Variants in TRERF1 observed in about 807,000 individuals in gnomAD.
The protein encoded by TRERF1 is transcriptional-regulating factor 1.
TRERF1 carries 27 observed loss-of-function variants against 122.9 expected under a neutral mutation model. The ratio of observed to expected loss-of-function variants is 0.22; its 90% confidence interval spans 0.16 to 0.30. TRERF1 has a LOEUF of 0.30. TRERF1 is among the 10% of genes least tolerant of loss of function. TRERF1 has a pLI of 1.00. For synonymous variants in TRERF1, 636 were observed against 641.7 expected (o/e 0.99, Z 0.13); for missense variants, 1,248 against 1,560.3 (o/e 0.80, Z 3.37).
In TRERF1 at chr6:42,276,348, G is replaced by A. The variant is rs145989563; in HGVS notation, c.-258-6500C>T. On this transcript the variant is annotated intron_variant, in intron 4 of 17. Coordinates refer to ENST00000372922, the Ensembl canonical transcript of TRERF1. This position sits in a 1 kb window ranked among gnomAD's most constrained non-coding sequence, Gnocchi z 4.3. ...GCCAGACCACCATTGCTTGTTTGAG[G>A]AAGAAAAACCAAAAAGATTTTCCTT... is the stretch of plus-strand genomic sequence containing the variant. 2.8e-3 allele frequency among the ~76,000 whole-genome samples: 423 copies of A among 152,326 alleles called. 2 individuals carry two copies. Among genetic ancestry groups the A allele is most frequent in the African/African-American group, 9.7e-3 (405 of 41,562 alleles).
chr6:42,442,867 C>T (rs1407636604), intron 2 of TRERF1, among the ~76,000 whole-genome samples: 1 of 152,302 alleles, frequency 6.6e-6, no homozygotes, highest in Non-Finnish European at 1.5e-5. Context: ...GGCATTAAAT[C>T]AGGGCTTTGG....
exon 18 of TRERF1, chr6:42,225,545 C>T (rs1390245649): frequency 6.6e-6 from 1 of 151,422 alleles, no homozygotes; most frequent in Non-Finnish European, 1.5e-5. Flanking sequence ...ACTTGCATTC[C>T]GGGAAAATAC....
At chr6:42,344,604 G>A (rs554673677) in intron 3 of TRERF1, among the ~76,000 whole-genome samples, 2 of 152,234 alleles carry the variant, frequency 1.3e-5, no homozygotes, top group East Asian at 3.9e-4. Flanking sequence ...CTACCACAAG[G>A]CATCTGGGCG....
At chr6:42,406,300 T>A (rs1780167976) in intron 2 of TRERF1, among the ~76,000 whole-genome samples, 1 of 152,168 alleles carries the variant, frequency 6.6e-6, no homozygotes, top group Non-Finnish European at 1.5e-5. Flanking sequence ...TCCCTCTTCA[T>A]CTCAGAATCT....
At chr6:42,303,479 G>A (rs1319872880) in intron 3 of TRERF1, among the ~76,000 whole-genome samples, 6 of 152,166 alleles carry the variant, frequency 3.9e-5, no homozygotes, top group African/African-American at 9.7e-5. Flanking sequence ...CTGGTACACC[G>A]AGTAGCCTGT....
intron 3 of TRERF1, among the ~76,000 whole-genome samples, chr6:42,305,253 C>A (rs1235797957): frequency 6.6e-6 from 1 of 152,174 alleles, no homozygotes; most frequent in Non-Finnish European, 1.5e-5. Flanking sequence ...GAAATCTTAT[C>A]TCCTTCCCAT....
At position 42,269,732 on chromosome 6, in the gene TRERF1, G is replaced by A. The variant is rs539137429; in HGVS notation, c.-142C>T. On this transcript the variant is annotated 5_prime_UTR_variant, in exon 5 of 18. Coordinates refer to ENST00000372922, the Ensembl canonical transcript of TRERF1. This position sits in a 1 kb window ranked among gnomAD's most constrained non-coding sequence, Gnocchi z 4.9. Reference sequence around the variant, plus strand: ...GGCTGACATGTCTGTGAACGTGGCTGGAGCCAGGTGTTCCTGTTGGCCTGT... The same window carrying A: ...GGCTGACATGTCTGTGAACGTGGCTAGAGCCAGGTGTTCCTGTTGGCCTGT... The A allele has an allele frequency of 9.9e-5, 143 of 1,448,988 alleles. 1 individual carries two copies. In the African/African-American group the frequency reaches 1.8e-3, roughly 18 times the overall value. 89.8% of individuals were successfully genotyped at this position (1,448,988 alleles called of 1,614,324 possible). A position where few individuals can be genotyped will look rare whatever the true frequency, so the allele number is the denominator to read the frequency against.
Position 42,259,999 on chromosome 6 carries a change from C to A in TRERF1, c.1885-276G>T, listed in dbSNP as rs371388680. On this transcript the variant is annotated intron_variant, in intron 8 of 17. Coordinates refer to ENST00000372922, the Ensembl canonical transcript of TRERF1. The surrounding 1 kb of genome is among the most constrained non-coding windows in gnomAD (Gnocchi z 4.9). Reference sequence around the variant, plus strand: ...GTGGGTGGGCAAGAAGTAATAAATTCAAATTCTTTATTGCTTATCACTACA... The same window carrying A: ...GTGGGTGGGCAAGAAGTAATAAATTAAAATTCTTTATTGCTTATCACTACA... Among the ~76,000 whole-genome samples, 18 of 152,148 alleles carry A rather than the reference C, an allele frequency of 1.2e-4. No individual in the cohort carries two copies. The highest frequency in any genetic ancestry group is 3.9e-4 in the African/African-American group (16 of 41,492).
At chr6:42,370,564 T>C (rs937921971) in intron 2 of TRERF1, among the ~76,000 whole-genome samples, 9 of 152,160 alleles carry the variant, frequency 5.9e-5, no homozygotes, top group African/African-American at 2.2e-4. Flanking sequence ...ACCAAGGCAT[T>C]ATCTGATGTC....
In TRERF1 at chr6:42,436,909, T is replaced by C. The variant is rs1399926715; in HGVS notation, c.-454+14268A>G. Among the ~76,000 whole-genome samples, 3 of 148,786 alleles carry C rather than the reference T, an allele frequency of 2.0e-5. No homozygotes were observed. In the South Asian group the frequency reaches 6.4e-4, roughly 32 times the overall value. On this transcript the variant is annotated intron_variant, in intron 2 of 17. Transcript: ENST00000372922. ...GAAAAAGTCTTAACACTAACAAAGC[T>C]TTCAATTATGTCTGCTCCAGGCCTT...
At chr6:42,274,579 T>C (rs1045683567) in intron 4 of TRERF1, among the ~76,000 whole-genome samples, 1 of 152,076 alleles carries the variant, frequency 6.6e-6, no homozygotes, top group African/African-American at 2.4e-5. Flanking sequence ...CTTGGGAGGC[T>C]AAGGCACAAG....
chr6:42,277,976 A>AAGAAGAAGT (rs1781599653), intron 4 of TRERF1, among the ~76,000 whole-genome samples: 1 of 149,372 alleles, frequency 6.7e-6, no homozygotes, highest in Non-Finnish European at 1.5e-5. Context: ...GAAGAAGAAG[A>AAGAAGAAGT]CTGCAATAGA....
At chr6:42,234,013 G>A (rs1426929918) in intron 16 of TRERF1, among the ~76,000 whole-genome samples, 1 of 152,114 alleles carries the variant, frequency 6.6e-6, no homozygotes, top group African/African-American at 2.4e-5. Context: ...ATTTTGGGCT[G>A]GATAATTCTT....
intron 4 of TRERF1, among the ~76,000 whole-genome samples, chr6:42,271,490 G>T (rs2149928120): frequency 6.6e-6 from 1 of 152,140 alleles, no homozygotes; most frequent in Middle Eastern, 3.4e-3. Flanking sequence ...TAACTGCATG[G>T]TCATTCTCAC....
At chr6:42,243,828 C>G (rs981682177) in intron 14 of TRERF1, among the ~76,000 whole-genome samples, 1 of 151,624 alleles carries the variant, frequency 6.6e-6, no homozygotes, top group Non-Finnish European at 1.5e-5. Flanking sequence ...GATCCGCCCA[C>G]CTCGGCCTCC....
intron 2 of TRERF1, among the ~76,000 whole-genome samples, chr6:42,440,054 C>A (rs1786212315): frequency 6.6e-6 from 1 of 152,166 alleles, no homozygotes; most frequent in African/African-American, 2.4e-5. Flanking sequence ...CAAAGCCACC[C>A]ACCGTGGCCT....
exon 10 of TRERF1, chr6:42,258,201 T>C (rs1193510751): frequency 6.2e-7 from 1 of 1,614,154 alleles, no homozygotes; most frequent in South Asian, 1.1e-5. Context: ...ATCGATGCTG[T>C]CTAAAACACA....
chr6:42,246,676 C>T (rs1774860414), intron 13 of TRERF1, 132 bp from the exon 14 acceptor site: 4 of 579,868 alleles, frequency 6.9e-6, no homozygotes, highest in Non-Finnish European at 1.2e-5. Context: ...CCCATTTGAA[C>T]AAAAAGATAG....
chr6:42,326,601 C>T (rs745821089), intron 3 of TRERF1, among the ~76,000 whole-genome samples: 1 of 152,184 alleles, frequency 6.6e-6, no homozygotes, highest in Non-Finnish European at 1.5e-5. Context: ...AAGCTTTGAT[C>T]ATTCCATTCT....
Sources: allele counts gnomAD v4.1 joint callset (sites outside exome capture counted in the v4.1 genomes callset), GRCh38; gene constraint gnomAD v4.1.1; non-coding constraint Gnocchi (gnomAD v3.1); transcripts MANE v1.5; gene names NCBI Gene and HGNC (gene_info 2026-07-23, HGNC 2026-07-21).